Variants in MMS19 observed in about 807,000 individuals in gnomAD.
The protein encoded by MMS19 is MMS19 nucleotide excision repair protein homolog.
A neutral mutation model predicts 129.8 loss-of-function variants in MMS19; 77 were observed. That is an observed-to-expected ratio of 0.59 (90% CI 0.49 to 0.72). MMS19 has a LOEUF of 0.72. Among genes scored for constraint, MMS19 ranks in the 30% least tolerant of loss-of-function variants. The pLI is 0.00. For synonymous variants in MMS19, 491 were observed against 502.8 expected (o/e 0.98, Z 0.31); for missense variants, 1,168 against 1,266.3 (o/e 0.92, Z 1.18).
At chr10:97,495,919 T>C (rs1204764870) in intron 1 of MMS19, among the ~76,000 whole-genome samples, 3 of 152,220 alleles carry the variant, frequency 2.0e-5, no homozygotes, top group Non-Finnish European at 4.4e-5. Context: ...GTAGCTGGGA[T>C]TACAGGCATG....
intron 6 of MMS19, 130 bp from the exon 7 acceptor site, chr10:97,477,093 C>G: frequency 6.6e-7 from 1 of 1,525,172 alleles, no homozygotes; most frequent in Non-Finnish European, 8.8e-7. Context: ...TTTTCCATTC[C>G]AAGAAAGTAC....
intron 18 of MMS19, among the ~76,000 whole-genome samples, chr10:97,464,900 T>C (rs1192257535): frequency 1.3e-5 from 2 of 152,110 alleles, no homozygotes; most frequent in East Asian, 1.9e-4. Flanking sequence ...GGTTTCGCCA[T>C]GTTGCATCGG....
chr10:97,486,891 A>ATG (rs2037981955), intron 1 of MMS19, among the ~76,000 whole-genome samples: 1 of 132,340 alleles, frequency 7.6e-6, no homozygotes, highest in Non-Finnish European at 1.6e-5. Context: ...ATATATATAT[A>ATG]TATAAAATTA....
upstream of MMS19, chr10:97,498,503 G>T: frequency 2.8e-6 from 4 of 1,437,490 alleles, no homozygotes; most frequent in Non-Finnish European, 3.7e-6. Context: ...CCGGGGTCAC[G>T]TGCCTGCCGG....
chr10:97,490,843 T>A (rs139459105), intron 1 of MMS19, among the ~76,000 whole-genome samples: 8 of 152,246 alleles, frequency 5.3e-5, no homozygotes, highest in Non-Finnish European at 7.4e-5. Context: ...AGCCCACTTG[T>A]GCCAGGATGT....
chr10:97,469,813 C>CATT, intron 10 of MMS19, 90 bp from the exon 11 acceptor site: 3 of 1,115,746 alleles, frequency 2.7e-6, no homozygotes, highest in Non-Finnish European at 4.0e-6. Flanking sequence ...CTGAAGGAGC[C>CATT]CTGGTCTCAG....
In MMS19 at chr10:97,458,658, G is replaced by A. The variant is rs1357801303; in HGVS notation, c.*34C>T. ...CTCAACAGTTAGTAATCCCAGGTTA[G>A]ATTGTCAGAACAGTCTAGGCCAGGA... On this transcript the variant is annotated 3_prime_UTR_variant, in exon 31 of 31. Transcript: ENST00000438925. 6.3e-7 allele frequency: 1 copy of A among 1,586,278 alleles called. No homozygotes were observed. The highest frequency in any genetic ancestry group is 1.3e-5 in the African/African-American group (1 of 74,110).
chr10:97,462,652 AG>A lies in MMS19; in HGVS notation c.1942del (p.Leu648TyrfsTer21), dbSNP rs764042714. On this transcript the variant is annotated frameshift_variant, in exon 20 of 31. Coordinates refer to ENST00000438925, the MANE Select transcript of MMS19 (RefSeq NM_022362.5). LOFTEE classifies it high-confidence loss of function. ...EKEPSVLRKV[L>X]LEDEVLAAMV... ...GGCAGCCAACACCTCATCCTCCAAT[AG>A]TACTTTTCTCAGAACTGAGGGCTCC... 4.3e-6 allele frequency: 7 copies of A among 1,613,806 alleles called. No individual in the cohort carries two copies. The highest frequency in any genetic ancestry group is 1.3e-5 in the African/African-American group (1 of 74,904).
chr10:97,488,610 T>C (rs2038326631), intron 1 of MMS19, among the ~76,000 whole-genome samples: 1 of 152,228 alleles, frequency 6.6e-6, no homozygotes, highest in Non-Finnish European at 1.5e-5. Context: ...TTACTCATAA[T>C]ACTTAATACA....
chr10:97,461,809 C>T lies in MMS19; in HGVS notation c.2184+19G>A. 2.5e-6 allele frequency: 4 copies of T among 1,602,574 alleles called. No homozygotes were observed. The highest frequency in any genetic ancestry group is 3.4e-6 in the Non-Finnish European group (4 of 1,174,694). Reference sequence around the variant, plus strand: ...TTGTCAAGGTTAAATAACAGTACTTCCCAAATGTGCTCACTTACATTTCGA... The same window carrying T: ...TTGTCAAGGTTAAATAACAGTACTTTCCAAATGTGCTCACTTACATTTCGA... On this transcript the variant is annotated intron_variant, in intron 22 of 30. Transcript: ENST00000438925.
At chr10:97,477,729 G>T in intron 5 of MMS19, 126 bp downstream of exon 5, 1 of 706,716 alleles carries the variant, frequency 1.4e-6, no homozygotes, top group Non-Finnish European at 2.4e-6. Flanking sequence ...CTGAAGAAGA[G>T]CATAAAAACA....
chr10:97,467,962 C>A (rs2033874255), intron 13 of MMS19, among the ~76,000 whole-genome samples: 1 of 151,350 alleles, frequency 6.6e-6, no homozygotes, highest in African/African-American at 2.4e-5. Flanking sequence ...ACCAGCATGT[C>A]CTGCTTGGCT....
chr10:97,469,026 A>G lies in MMS19; in HGVS notation c.1003T>C (p.Ser335Pro). The G allele has an allele frequency of 1.3e-6, 2 of 1,586,708 alleles. No individual in the cohort carries two copies. The highest frequency in any genetic ancestry group is 1.7e-6 in the Non-Finnish European group (2 of 1,166,608). ...LHSLTACLSRSVLRADAEDLL... is the reference protein window; with the variant it reads ...LHSLTACLSRPVLRADAEDLL... ...TCCTCAGCATCAGCCCTCAGCACAG[A>G]GCGAGACAAACACGCAGTCAGGGAG... Residue 335 changes from serine to proline, a missense_variant, in exon 12 of 31, where the codon TCT becomes CCT. Ser to Pro is a moderately conservative substitution (Grantham distance 74). Around this residue, in one of 3 missense-constraint regions of MMS19, gnomAD observed 831 missense variants for 910.8 expected, o/e 0.91. Transcript: ENST00000438925.
At chr10:97,460,426 T>C (rs967256632) in intron 25 of MMS19, 194 bp from the exon 26 acceptor site, 6 of 626,282 alleles carry the variant, frequency 9.6e-6, no homozygotes, top group Middle Eastern at 4.3e-4. Flanking sequence ...CAAACATTAG[T>C]TGGGTGTGGT....
intron 20 of MMS19, 64 bp from the exon 21 acceptor site, chr10:97,462,183 G>A: frequency 8.3e-7 from 1 of 1,200,096 alleles, no homozygotes; most frequent in Non-Finnish European, 1.2e-6. Context: ...CTCCTCCACA[G>A]ACGTGCTTTT....
chr10:97,466,065 G>A lies in MMS19; in HGVS notation c.1600C>T (p.Arg534Cys), dbSNP rs927043964. 5.0e-6 allele frequency: 8 copies of A among 1,613,552 alleles called. No individual in the cohort carries two copies. Among genetic ancestry groups the A allele is most frequent in the African/African-American group, 2.7e-5 (2 of 74,932 alleles). The part of the protein sequence containing the change: ...HLVPKLAEEL[R>C]VGESNLTNGD... ...GAGGATTAGAGACACATACCTACAC[G>A]CAGCTCCTCAGCGAGCTTGGGTACG... The change falls in exon 17 of 31, where the codon CGT becomes TGT. Residue 534 changes from arginine (R) to cysteine (C), a missense_variant. Physicochemically the swap from Arg to Cys is radical, Grantham distance 180. Around this residue, in one of 3 missense-constraint regions of MMS19, gnomAD observed 831 missense variants for 910.8 expected, o/e 0.91. Transcript: ENST00000438925.
intron 8 of MMS19, among the ~76,000 whole-genome samples, chr10:97,476,290 C>T (rs2035756824): frequency 6.6e-6 from 1 of 152,238 alleles, no homozygotes; most frequent in Non-Finnish European, 1.5e-5. Context: ...CAGCTGAAAT[C>T]CTATCTTAAC....
intron 1 of MMS19, 38 bp downstream of exon 1, chr10:97,498,235 G>GC: frequency 6.6e-7 from 1 of 1,519,614 alleles, no homozygotes; most frequent in Non-Finnish European, 8.8e-7. Flanking sequence ...CCTCCTGTTG[G>GC]CCCCCATGCG....
chr10:97,498,016 C>A (rs968200759), intron 1 of MMS19, among the ~76,000 whole-genome samples: 1 of 152,256 alleles, frequency 6.6e-6, no homozygotes, highest in Non-Finnish European at 1.5e-5. Flanking sequence ...CCTCGCTGAG[C>A]CTCAGTTTCC....
Sources: gnomAD v4.1 joint callset for allele counts (sites outside exome capture counted in the v4.1 genomes callset) on GRCh38, gnomAD v4.1.1 for gene constraint, gnomAD v4.1.1 regional missense constraint, MANE v1.5 for transcripts, NCBI Gene and HGNC (gene_info 2026-07-23, HGNC 2026-07-21) for gene names.